Variants in KAT6A observed in about 807,000 individuals in gnomAD.
KAT6A encodes the protein lysine acetyltransferase 6A.
A neutral mutation model predicts 198.4 loss-of-function variants in KAT6A; 9 were observed. That is an observed-to-expected ratio of 0.05 (90% CI 0.03 to 0.08). KAT6A has a LOEUF of 0.08. KAT6A is among the 10% of genes least tolerant of loss of function. KAT6A has a pLI of 1.00. For missense variants in KAT6A, 2,077 were observed against 2,509.9 expected, an observed-to-expected ratio of 0.83 and a Z score of 3.69; for synonymous variants, 890 against 883.0, an observed-to-expected ratio of 1.01 and a Z score of -0.14.
chr8:41,933,252 T>A lies in KAT6A; in HGVS notation c.4968A>T (p.Pro1656=), dbSNP rs1336336047. ...NQQQQPPPPP[P]QQPQPPPPQP... is the part of the protein sequence containing the mutation. ...GTGGCGGCGGCGGCTGTGGCTGCTG[T>A]GGAGGCGGTGGTGGCGGCTGCTGCT... is the stretch of plus-strand genomic sequence containing the variant. Residue 1656 remains proline, a synonymous_variant, in exon 17 of 17, where the codon CCA becomes CCT. Coordinates refer to ENST00000265713, the MANE Select transcript of KAT6A (RefSeq NM_006766.5). This position sits in a 1 kb window ranked among gnomAD's most constrained non-coding sequence, Gnocchi z 6.2. The A allele has an allele frequency of 5.2e-6, 8 of 1,549,308 alleles. No homozygotes were observed. Among genetic ancestry groups the A allele is most frequent in the African/African-American group, 1.4e-5 (1 of 73,780 alleles).
rs1286783962 is a variant in KAT6A, at chr8:41,930,862, T to G, written c.*1343A>C. 1 of 212,640 alleles carries G rather than the reference T, an allele frequency of 4.7e-6. No homozygotes were observed. The highest frequency in any genetic ancestry group is 9.5e-6 in the Non-Finnish European group (1 of 105,104). 13.2% of individuals were successfully genotyped at this position (212,640 alleles called of 1,614,324 possible). ...ATGAACTTGCGTTATAACATTCTGC[T>G]GTCCAGATCTGCCCTACTGTGCTGG... is the stretch of plus-strand genomic sequence containing the variant. On this transcript the variant is annotated 3_prime_UTR_variant, in exon 17 of 17. Transcript: ENST00000265713.
chr8:42,014,520 G>A (rs1826174723), intron 2 of KAT6A, among the ~76,000 whole-genome samples: 1 of 152,180 alleles, frequency 6.6e-6, no homozygotes, highest in African/African-American at 2.4e-5. Context: ...ACGCAGAAAT[G>A]CCTCAGGCAA....
chr8:42,002,914 G>C (rs1056356615), intron 2 of KAT6A, among the ~76,000 whole-genome samples: 2 of 152,112 alleles, frequency 1.3e-5, no homozygotes, highest in African/African-American at 4.8e-5. Context: ...ACATTTCTAA[G>C]ATTTTTGATC....
chr8:41,933,692 T>A lies in KAT6A; in HGVS notation c.4528A>T (p.Thr1510Ser). 1 of 1,614,048 alleles carries A rather than the reference T, an allele frequency of 6.2e-7. No homozygotes were observed. Among genetic ancestry groups the A allele is most frequent in the Non-Finnish European group, 8.5e-7 (1 of 1,180,016 alleles). The part of the protein sequence containing the change: ...PNVPALESGY[T>S]QISPEQGSLS... The stretch of plus-strand genomic sequence containing the variant: ...GATCCTTGTTCTGGGCTGATCTGGG[T>A]GTAGCCACTCTCAAGGGCAGGCACG... The change falls in exon 17 of 17, where the codon ACC becomes TCC. Residue 1510 changes from threonine to serine, a missense_variant. Transcript: ENST00000265713. The surrounding 1 kb of genome is among the most constrained non-coding windows in gnomAD (Gnocchi z 6.2).
intron 5 of KAT6A, 120 bp downstream of exon 5, chr8:41,980,726 A>T: frequency 2.6e-6 from 2 of 768,892 alleles, no homozygotes; most frequent in Non-Finnish European, 4.6e-6. Context: ...TTCTCTTCCT[A>T]CTTATACAAC....
chr8:41,973,423 CT>C (rs1269873030), intron 8 of KAT6A, among the ~76,000 whole-genome samples: 1 of 151,866 alleles, frequency 6.6e-6, no homozygotes, highest in East Asian at 1.9e-4. Flanking sequence ...TTTCACCATG[CT>C]GGCCAGGCTG....
intron 2 of KAT6A, among the ~76,000 whole-genome samples, chr8:41,989,438 G>A (rs1195596191): frequency 6.6e-6 from 1 of 152,078 alleles, no homozygotes; most frequent in Non-Finnish European, 1.5e-5. Context: ...GAACCCGGGA[G>A]GTAGAGGTTG....
At chr8:41,985,051 C>T (rs1229742497) in intron 3 of KAT6A, among the ~76,000 whole-genome samples, 2 of 151,980 alleles carry the variant, frequency 1.3e-5, no homozygotes, top group African/African-American at 4.8e-5. Context: ...CTTAGAGAGA[C>T]GCACAGACCA....
chr8:42,040,885 T>G (rs1424993974), intron 2 of KAT6A, among the ~76,000 whole-genome samples: 2 of 151,228 alleles, frequency 1.3e-5, no homozygotes, highest in Non-Finnish European at 2.9e-5. Context: ...TTACCAAAAA[T>G]CATTGTGCTC....
intron 2 of KAT6A, among the ~76,000 whole-genome samples, chr8:42,040,357 T>G (rs1388170471): frequency 1.3e-5 from 2 of 152,126 alleles, no homozygotes; most frequent in Non-Finnish European, 2.9e-5. Flanking sequence ...ATTAATTCCT[T>G]CCCTTTATTT....
intron 8 of KAT6A, among the ~76,000 whole-genome samples, chr8:41,967,369 A>G (rs572431363): frequency 2.2e-3 from 336 of 151,640 alleles, no homozygotes; most frequent in Admixed American, 4.3e-3. Context: ...ATATGTATAC[A>G]TGTGACATGC....
At chr8:41,935,425 T>C (rs1002818187) in intron 16 of KAT6A, among the ~76,000 whole-genome samples, 7 of 152,230 alleles carry the variant, frequency 4.6e-5, no homozygotes, top group African/African-American at 1.4e-4. Flanking sequence ...CAATTAATGT[T>C]GTGTTTGTAT....
At chr8:41,972,602 A>G (rs190875820) in intron 8 of KAT6A, among the ~76,000 whole-genome samples, 195 of 152,346 alleles carry the variant, frequency 1.3e-3, no homozygotes, top group Non-Finnish European at 2.2e-3. Context: ...CATTCTATAA[A>G]TGACCTGTGC....
intron 2 of KAT6A, among the ~76,000 whole-genome samples, chr8:42,005,624 G>A (rs1391083001): frequency 6.6e-6 from 1 of 152,204 alleles, no homozygotes; most frequent in African/African-American, 2.4e-5. Context: ...ACCAGATCCA[G>A]AGAGGGAGTG....
At chr8:42,006,404 G>A (rs1038005988) in intron 2 of KAT6A, among the ~76,000 whole-genome samples, 14 of 152,176 alleles carry the variant, frequency 9.2e-5, no homozygotes, top group Non-Finnish European at 1.9e-4. Flanking sequence ...CTCCAACTCC[G>A]TAACATCTTA....
At chr8:42,003,445 CT>C (rs35594171) in intron 2 of KAT6A, among the ~76,000 whole-genome samples, 31,303 of 142,638 alleles carry the variant, frequency 0.22, 3,314 homozygotes, top group Non-Finnish European at 0.24. Context: ...ATTCAAACCT[CT>C]TTTTTTTTTT....
chr8:41,936,207 G>A (rs1394929313), intron 16 of KAT6A, among the ~76,000 whole-genome samples: 1 of 152,172 alleles, frequency 6.6e-6, no homozygotes, highest in Non-Finnish European at 1.5e-5. Flanking sequence ...GTTGCAGTGA[G>A]CTGAGACTGT....
chr8:41,988,340 A>G (rs1469725001), intron 2 of KAT6A, among the ~76,000 whole-genome samples: 1 of 152,244 alleles, frequency 6.6e-6, no homozygotes, highest in African/African-American at 2.4e-5. Context: ...ACTGCCACCG[A>G]AGGTAAAGAA....
At chr8:42,026,686 C>T (rs1564074043) in intron 2 of KAT6A, among the ~76,000 whole-genome samples, 2 of 152,174 alleles carry the variant, frequency 1.3e-5, no homozygotes, top group Non-Finnish European at 2.9e-5. Flanking sequence ...TGTTTTTCTA[C>T]ATATGAGATC....
Sources: allele counts gnomAD v4.1 joint callset (sites outside exome capture counted in the v4.1 genomes callset), GRCh38; gene constraint gnomAD v4.1.1; non-coding constraint Gnocchi (gnomAD v3.1); transcripts MANE v1.5; gene names NCBI Gene and HGNC (gene_info 2026-07-23, HGNC 2026-07-21).